UBR2: variants seen among roughly 807,000 people sequenced by gnomAD.
UBR2 encodes the protein E3 ubiquitin-protein ligase UBR2.
Under a neutral mutation model 247.9 loss-of-function variants are expected in UBR2, and 92 were observed. That is an observed-to-expected ratio of 0.37 (90% CI 0.31 to 0.44). The LOEUF (loss-of-function observed/expected upper bound fraction) is 0.44, where lower values mean the gene tolerates loss of function less well. Ranked by LOEUF, UBR2 falls within the 20% of genes least tolerant of loss-of-function variation. The probability of loss-of-function intolerance (pLI) is 1.00; values close to 1 mark genes in which losing one functional copy is unlikely to be tolerated. For synonymous variants in UBR2, 672 were observed against 693.5 expected (o/e 0.97, Z 0.49); for missense variants, 1,613 against 2,112.6 (o/e 0.76, Z 4.64).
At chr6:42,607,547 C>G (rs1246595383) in intron 7 of UBR2, among the ~76,000 whole-genome samples, 2 of 151,864 alleles carry the variant, frequency 1.3e-5, no homozygotes, top group East Asian at 3.9e-4. Flanking sequence ...CAGAGTCTTA[C>G]TCTGTCACCC....
intron 22 of UBR2, 85 bp from the exon 23 acceptor site, chr6:42,650,199 C>G (rs1797034011): frequency 8.8e-7 from 1 of 1,138,220 alleles, no homozygotes; most frequent in Non-Finnish European, 1.3e-6. Context: ...GAGAGCTCTG[C>G]TTTCTTGTTC....
At chr6:42,629,629 C>G (rs1297872582) in intron 11 of UBR2, among the ~76,000 whole-genome samples, 1 of 152,000 alleles carries the variant, frequency 6.6e-6, no homozygotes, top group Admixed American at 6.6e-5. Context: ...TGCACTCCAG[C>G]CTGGGTGACA....
chr6:42,687,354 C>T (rs931593869), intron 44 of UBR2, among the ~76,000 whole-genome samples: 3 of 152,234 alleles, frequency 2.0e-5, no homozygotes, highest in South Asian at 2.1e-4. Context: ...CGTGGCGGCG[C>T]GCGCCTGCAA....
chr6:42,656,004 C>T (rs1270407284), intron 26 of UBR2, among the ~76,000 whole-genome samples: 1 of 152,080 alleles, frequency 6.6e-6, no homozygotes. Flanking sequence ...ATTAGATTGT[C>T]ATTTCATATA....
At chr6:42,672,340 A>AT (rs961958259) in intron 36 of UBR2, among the ~76,000 whole-genome samples, 13 of 151,864 alleles carry the variant, frequency 8.6e-5, no homozygotes, top group African/African-American at 2.4e-4. Flanking sequence ...GCCTAGATAC[A>AT]TTTTTTAGCC....
intron 11 of UBR2, among the ~76,000 whole-genome samples, chr6:42,624,735 G>A (rs570998962): frequency 6.6e-6 from 1 of 152,198 alleles, no homozygotes; most frequent in Admixed American, 6.5e-5. Context: ...GAGGGTCAAA[G>A]GACTGGTTGA....
At chr6:42,646,146 CA>C (rs1796741394) in intron 21 of UBR2, among the ~76,000 whole-genome samples, 1 of 152,142 alleles carries the variant, frequency 6.6e-6, no homozygotes, top group Non-Finnish European at 1.5e-5. Flanking sequence ...AGTTCCCCAG[CA>C]ACCTATATTT....
chr6:42,611,459 C>CAA (rs71753208), intron 7 of UBR2, among the ~76,000 whole-genome samples: 9 of 132,318 alleles, frequency 6.8e-5, no homozygotes, highest in African/African-American at 1.7e-4. Flanking sequence ...GACTCCATCT[C>CAA]AAAAAAAAAA....
chr6:42,683,786 T>C (rs1799192207), intron 43 of UBR2, among the ~76,000 whole-genome samples: 1 of 152,238 alleles, frequency 6.6e-6, no homozygotes, highest in Admixed American at 6.5e-5. Context: ...AATGCATTTG[T>C]TGTTATCTGG....
At chr6:42,613,599 T>A (rs949951411) in intron 8 of UBR2, among the ~76,000 whole-genome samples, 1 of 152,090 alleles carries the variant, frequency 6.6e-6, no homozygotes, top group Non-Finnish European at 1.5e-5. Flanking sequence ...TCTTTACAGT[T>A]ATTTTTCTTA....
At chr6:42,688,589 C>T (rs1309593496) in intron 45 of UBR2, among the ~76,000 whole-genome samples, 1 of 152,098 alleles carries the variant, frequency 6.6e-6, no homozygotes, top group Admixed American at 6.6e-5. Flanking sequence ...GTTACCATTC[C>T]CACTCCTCTT....
Position 42,564,031 on chromosome 6 carries a change from A to C in UBR2, c.-289A>C. On this transcript the variant is annotated 5_prime_UTR_variant, in exon 1 of 47. Transcript: ENST00000372901. ...CCCCTTTCCTGGTGCAGGACGCGGT[A>C]GTGGCCAGCGAGAGTGTCAGGCCTG... The C allele has an allele frequency of 8.7e-6, 4 of 460,928 alleles. No homozygotes were observed. Among genetic ancestry groups the C allele is most frequent in the Non-Finnish European group, 1.2e-5 (3 of 260,858 alleles). 28.6% of individuals were successfully genotyped at this position (460,928 alleles called of 1,614,324 possible). A position where few individuals can be genotyped will look rare whatever the true frequency, so the allele number is the denominator to read the frequency against.
intron 11 of UBR2, among the ~76,000 whole-genome samples, chr6:42,632,102 G>GCA (rs1313632279): frequency 1.5e-5 from 2 of 137,420 alleles, no homozygotes; most frequent in African/African-American, 2.7e-5. Flanking sequence ...GTACACACAT[G>GCA]CACACACACA....
At chr6:42,657,567 C>CT (rs1442146038) in intron 26 of UBR2, among the ~76,000 whole-genome samples, 1 of 152,204 alleles carries the variant, frequency 6.6e-6, no homozygotes, top group Non-Finnish European at 1.5e-5. Flanking sequence ...ATGGACTTGA[C>CT]TCTTATATTC....
At chr6:42,609,886 A>G (rs544229419) in intron 7 of UBR2, among the ~76,000 whole-genome samples, 2 of 149,488 alleles carry the variant, frequency 1.3e-5, no homozygotes, top group East Asian at 3.9e-4. Context: ...ACAGAGTGAA[A>G]CCCTGTTACA....
intron 4 of UBR2, among the ~76,000 whole-genome samples, chr6:42,595,822 A>G (rs1001767030): frequency 3.9e-5 from 6 of 152,154 alleles, no homozygotes; most frequent in Admixed American, 6.5e-5. Context: ...CAAAATTTAT[A>G]CAAAATGATT....
At chr6:42,589,246 G>A (rs1792500837) in intron 2 of UBR2, among the ~76,000 whole-genome samples, 1 of 152,158 alleles carries the variant, frequency 6.6e-6, no homozygotes, top group Admixed American at 6.5e-5. Flanking sequence ...TGGGATTACA[G>A]GTGTGAGCCA....
In UBR2 at chr6:42,679,804, A is replaced by C. The variant is rs373338945; in HGVS notation, c.4690A>C (p.Ser1564Arg). The change falls in exon 42 of 47, where the codon AGT becomes CGT. Residue 1564 changes from serine (S) to arginine (R), a missense_variant. This residue lies in a region of UBR2 where 1,524 missense variants were observed against 1,967.3 expected (regional missense o/e 0.77). Coordinates refer to ENST00000372901, the MANE Select transcript of UBR2 (RefSeq NM_001363705.2). ...CCTCATTTGCCTTTTTCAAGAAAAT[A>C]GTGAGATAATGAATTCACTGATTGA... is the stretch of plus-strand genomic sequence containing the variant. ...NNLICLFQEN[S>R]EIMNSLIESW... 6.2e-7 allele frequency: 1 copy of C among 1,611,446 alleles called. No homozygotes were observed. The highest frequency in any genetic ancestry group is 8.5e-7 in the Non-Finnish European group (1 of 1,177,878).
At chr6:42,568,529 A>G (rs963454621) in intron 1 of UBR2, among the ~76,000 whole-genome samples, 4 of 152,128 alleles carry the variant, frequency 2.6e-5, no homozygotes, top group Admixed American at 2.6e-4. Flanking sequence ...GGAGATCGAG[A>G]CCATCCTGGC....
Sources: gnomAD v4.1 joint callset for allele counts (sites outside exome capture counted in the v4.1 genomes callset) on GRCh38, gnomAD v4.1.1 for gene constraint, gnomAD v4.1.1 regional missense constraint, MANE v1.5 for transcripts, NCBI Gene and HGNC (gene_info 2026-07-23, HGNC 2026-07-21) for gene names.